The following ACTL8 variants were observed in gnomAD, a reference collection of about 807,000 sequenced individuals.
The protein encoded by ACTL8 is actin like 8.
ACTL8 carries 3 observed loss-of-function variants against 9.3 expected under a neutral mutation model. The observed-to-expected ratio is 0.32, with a 90% CI of 0.15 to 0.83. The LOEUF (loss-of-function observed/expected upper bound fraction) is 0.83, where lower values mean the gene tolerates loss of function less well. Among genes scored for constraint, ACTL8 ranks in the 40% least tolerant of loss-of-function variants. The probability of loss-of-function intolerance (pLI) is 0.57; values close to 1 mark genes in which losing one functional copy is unlikely to be tolerated. For synonymous variants in ACTL8, 224 were observed against 205.9 expected, an observed-to-expected ratio of 1.09 and a Z score of -0.75; for missense variants, 381 against 492.2, an observed-to-expected ratio of 0.77 and a Z score of 2.14.
chr1:17,766,399 C>G (rs927087925), intron 1 of ACTL8, among the ~76,000 whole-genome samples: 2 of 152,166 alleles, frequency 1.3e-5, no homozygotes, highest in African/African-American at 2.4e-5. Context: ...GAGCCTGGCT[C>G]AAACCCGGGT....
chr1:17,799,029 C>T (rs535541872), intron 1 of ACTL8, among the ~76,000 whole-genome samples: 9 of 152,316 alleles, frequency 5.9e-5, no homozygotes, highest in South Asian at 2.1e-4. Context: ...TCTCCCTAAG[C>T]GATGCCCACT....
intron 1 of ACTL8, among the ~76,000 whole-genome samples, chr1:17,813,693 G>GT (rs1433269332): frequency 6.6e-6 from 1 of 152,148 alleles, no homozygotes; most frequent in Non-Finnish European, 1.5e-5. Flanking sequence ...TGTACCGTTA[G>GT]TATTATTTCT....
chr1:17,765,287 C>T (rs905411341), intron 1 of ACTL8, among the ~76,000 whole-genome samples: 2 of 152,160 alleles, frequency 1.3e-5, no homozygotes, highest in Non-Finnish European at 2.9e-5. Context: ...TCCACGTGGG[C>T]AGGGATTTTT....
chr1:17,765,562 G>A (rs534054997), intron 1 of ACTL8, among the ~76,000 whole-genome samples: 9 of 152,370 alleles, frequency 5.9e-5, no homozygotes, highest in Non-Finnish European at 1.0e-4. Context: ...GGCAGGCTAT[G>A]TAGCATCTCT....
At chr1:17,789,069 TTG>T (rs1459633233) in intron 1 of ACTL8, among the ~76,000 whole-genome samples, 7 of 152,352 alleles carry the variant, frequency 4.6e-5, no homozygotes, top group Admixed American at 2.0e-4. Context: ...AGGTGTATTT[TTG>T]TGTGTGTTTA....
At chr1:17,805,484 C>T (rs1208699976) in intron 1 of ACTL8, among the ~76,000 whole-genome samples, 2 of 145,496 alleles carry the variant, frequency 1.4e-5, no homozygotes, top group Non-Finnish European at 3.0e-5. Context: ...TGGGTTCAAG[C>T]GATTCTTCTG....
chr1:17,771,766 T>A (rs2066084293), intron 1 of ACTL8, among the ~76,000 whole-genome samples: 1 of 152,056 alleles, frequency 6.6e-6, no homozygotes, highest in African/African-American at 2.4e-5. Context: ...GGACAGATAC[T>A]CCTGACATGC....
chr1:17,761,348 C>T (rs1321273295), intron 1 of ACTL8, among the ~76,000 whole-genome samples: 3 of 152,004 alleles, frequency 2.0e-5, no homozygotes, highest in Admixed American at 1.3e-4. Flanking sequence ...TTAATAAATG[C>T]ATGTTTCTGC....
At chr1:17,822,851 C>T (rs1166689958) in intron 1 of ACTL8, 134 bp from the exon 2 acceptor site, 2 of 637,274 alleles carry the variant, frequency 3.1e-6, no homozygotes, top group African/African-American at 1.8e-5. Context: ...CAGGTAATGG[C>T]TTGTGTAAAG....
At chr1:17,776,503 C>T (rs1388862480) in intron 1 of ACTL8, among the ~76,000 whole-genome samples, 1 of 152,158 alleles carries the variant, frequency 6.6e-6, no homozygotes, top group Non-Finnish European at 1.5e-5. Flanking sequence ...GGCTCCTCTG[C>T]AGTCTCCCAG....
At chr1:17,821,176 G>A (rs1347155107) in intron 1 of ACTL8, among the ~76,000 whole-genome samples, 1 of 151,668 alleles carries the variant, frequency 6.6e-6, no homozygotes, top group Non-Finnish European at 1.5e-5. Context: ...TGAGAGTTCT[G>A]TATTAAATAT....
intron 1 of ACTL8, among the ~76,000 whole-genome samples, chr1:17,799,984 A>G (rs751691099): frequency 6.6e-6 from 1 of 152,138 alleles, no homozygotes; most frequent in Non-Finnish European, 1.5e-5. Flanking sequence ...AGCCGTTTCT[A>G]TTGCTGTACC....
intron 1 of ACTL8, among the ~76,000 whole-genome samples, chr1:17,802,426 T>TGC (rs771425581): frequency 8.2e-5 from 8 of 98,158 alleles, no homozygotes; most frequent in Non-Finnish European, 1.6e-4. Flanking sequence ...TGTGCGTGCG[T>TGC]GTGTGTGTGT....
intron 1 of ACTL8, among the ~76,000 whole-genome samples, chr1:17,757,917 A>G (rs908434539): frequency 7.9e-5 from 12 of 152,170 alleles, no homozygotes; most frequent in African/African-American, 2.9e-4. Context: ...CCTGCAGTTA[A>G]TGAGGGTTGT....
intron 1 of ACTL8, among the ~76,000 whole-genome samples, chr1:17,796,431 G>A (rs1287066730): frequency 1.3e-5 from 2 of 152,080 alleles, no homozygotes; most frequent in South Asian, 2.1e-4. Flanking sequence ...GGTGCCTTCA[G>A]TATCTCATTT....
chr1:17,759,035 A>T (rs1323375737), intron 1 of ACTL8, among the ~76,000 whole-genome samples: 1 of 152,232 alleles, frequency 6.6e-6, no homozygotes, highest in African/African-American at 2.4e-5. Context: ...GTGAGAACTT[A>T]CAAGGATGAT....
At chr1:17,761,134 A>ATTTT (rs935834059) in intron 1 of ACTL8, among the ~76,000 whole-genome samples, 1 of 131,386 alleles carries the variant, frequency 7.6e-6, no homozygotes. Context: ...TTGCGGCTTA[A>ATTTT]TTTTTTTTTT....
chr1:17,768,088 G>A (rs570196438), intron 1 of ACTL8, among the ~76,000 whole-genome samples: 1 of 148,458 alleles, frequency 6.7e-6, no homozygotes, highest in South Asian at 2.1e-4. Flanking sequence ...TCATCAGAAG[G>A]AAACTCTTGT....
At chr1:17,770,940 T>TG (rs1326214212) in intron 1 of ACTL8, among the ~76,000 whole-genome samples, 1 of 152,130 alleles carries the variant, frequency 6.6e-6, no homozygotes, top group Admixed American at 6.5e-5. Context: ...GCTGTGAGGC[T>TG]GGGGGCGCGG....
Sources: allele counts gnomAD v4.1 joint callset (sites outside exome capture counted in the v4.1 genomes callset), GRCh38; gene constraint gnomAD v4.1.1; transcripts MANE v1.5; gene names NCBI Gene and HGNC (gene_info 2026-07-23, HGNC 2026-07-21).